PCGF6: variants seen among roughly 807,000 people sequenced by gnomAD.
PCGF6 encodes the protein polycomb group ring finger 6.
A neutral mutation model predicts 45.5 loss-of-function variants in PCGF6; 24 were observed. The ratio of observed to expected loss-of-function variants is 0.53; its 90% CI spans 0.38 to 0.74. PCGF6 has a LOEUF of 0.74. PCGF6 is among the 30% of genes least tolerant of loss of function. PCGF6 has a pLI of 0.00. For synonymous variants in PCGF6, 152 were observed against 162.1 expected, an observed-to-expected ratio of 0.94 and a Z score of 0.47; for missense variants, 356 against 443.2, an observed-to-expected ratio of 0.80 and a Z score of 1.77.
chr10:103,307,050 GCCAAGATCA>G (rs1305635074), intron 9 of PCGF6, among the ~76,000 whole-genome samples: 1 of 152,018 alleles, frequency 6.6e-6, no homozygotes, highest in Non-Finnish European at 1.5e-5. Context: ...GTTGCAGTGA[GCCAAGATCA>G]TGCCACTGCA....
At position 103,338,740 on chromosome 10, in the gene PCGF6, C is replaced by T. The variant is rs186452605; in HGVS notation, c.783-4788G>A. Among the ~76,000 whole-genome samples the T allele has an allele frequency of 3.8e-3, 577 of 151,914 alleles. 2 individuals carry two copies. The highest frequency in any genetic ancestry group is 6.5e-3 in the Non-Finnish European group (445 of 67,968). On this transcript the variant is annotated intron_variant, in intron 6 of 9. Coordinates refer to ENST00000369847, the MANE Select transcript of PCGF6 (RefSeq NM_001011663.2). Reference sequence around the variant, plus strand: ...AAACTTAACCGGGCATGGTGGCACACGCCTGTAATCCCAGCTACTTGGGAG... The same window carrying T: ...AAACTTAACCGGGCATGGTGGCACATGCCTGTAATCCCAGCTACTTGGGAG...
intron 6 of PCGF6, among the ~76,000 whole-genome samples, chr10:103,337,843 T>C (rs1206818701): frequency 1.4e-5 from 1 of 72,820 alleles, no homozygotes; most frequent in South Asian, 7.6e-4. Flanking sequence ...GGCGGGCGGA[T>C]CACGAGGTCA....
intron 8 of PCGF6, among the ~76,000 whole-genome samples, chr10:103,315,955 C>T (rs12220267): frequency 0.27 from 40,715 of 149,676 alleles, 6,567 homozygotes; most frequent in South Asian, 0.5. Context: ...GGGTTAGAGC[C>T]TCAACAGCTT....
At chr10:103,349,748 T>C (rs1490332574) in intron 1 of PCGF6, among the ~76,000 whole-genome samples, 5 of 150,182 alleles carry the variant, frequency 3.3e-5, no homozygotes, top group Non-Finnish European at 5.9e-5. Flanking sequence ...GCGGGGATTA[T>C]AGGCGTGAGC....
chr10:103,349,056 T>C, intron 1 of PCGF6, 57 bp from the exon 2 acceptor site: 4 of 1,430,050 alleles, frequency 2.8e-6, no homozygotes, highest in Non-Finnish European at 2.9e-6. Flanking sequence ...ACAAATTCTT[T>C]TTTTTTTTTT....
chr10:103,332,930 C>G (rs2093245335), intron 7 of PCGF6, among the ~76,000 whole-genome samples: 1 of 152,022 alleles, frequency 6.6e-6, no homozygotes, highest in South Asian at 2.1e-4. Context: ...GCCTGGCCAA[C>G]ATGGTGAAAC....
intron 6 of PCGF6, among the ~76,000 whole-genome samples, chr10:103,336,048 C>G (rs989967944): frequency 1.3e-5 from 2 of 151,648 alleles, no homozygotes; most frequent in Non-Finnish European, 2.9e-5. Flanking sequence ...GGTGGATTGC[C>G]TGAGCTCAGG....
intron 9 of PCGF6, among the ~76,000 whole-genome samples, chr10:103,306,101 C>T (rs1564721405): frequency 1.4e-5 from 2 of 146,838 alleles, no homozygotes; most frequent in Admixed American, 1.4e-4. Flanking sequence ...AAGCAATCCA[C>T]CTTTTTTTTT....
intron 6 of PCGF6, among the ~76,000 whole-genome samples, chr10:103,341,556 C>G (rs1278022757): frequency 1.3e-5 from 2 of 151,738 alleles, no homozygotes; most frequent in African/African-American, 4.8e-5. Flanking sequence ...TCTCCTCCCT[C>G]AGCCTCCTGA....
At chr10:103,349,928 A>G (rs142750192) in intron 1 of PCGF6, among the ~76,000 whole-genome samples, 1 of 151,744 alleles carries the variant, frequency 6.6e-6, no homozygotes, top group African/African-American at 2.4e-5. Context: ...TAAAAATACA[A>G]AAAATAAGCC....
chr10:103,313,816 GCAC>G (rs908888631), intron 9 of PCGF6, among the ~76,000 whole-genome samples: 21 of 152,176 alleles, frequency 1.4e-4, no homozygotes, highest in African/African-American at 4.8e-4. Flanking sequence ...TTGTATTATA[GCAC>G]TGGACAGGCG....
intron 6 of PCGF6, among the ~76,000 whole-genome samples, chr10:103,341,235 CA>C (rs1056464824): frequency 6.8e-6 from 1 of 146,614 alleles, no homozygotes; most frequent in East Asian, 2.1e-4. Flanking sequence ...GTCTCAAAAA[CA>C]AAAAAAAATC....
intron 7 of PCGF6, among the ~76,000 whole-genome samples, chr10:103,333,506 C>T (rs1418951608): frequency 6.6e-6 from 1 of 152,116 alleles, no homozygotes; most frequent in Non-Finnish European, 1.5e-5. Flanking sequence ...TAAATCAACT[C>T]TGAACTTAAA....
chr10:103,322,547 A>G (rs1592061723), intron 8 of PCGF6, among the ~76,000 whole-genome samples: 2 of 151,836 alleles, frequency 1.3e-5, no homozygotes, highest in African/African-American at 2.4e-5. Context: ...CAGGCTGGGC[A>G]CAGTGGCTCA....
chr10:103,346,255 G>A (rs2093299029), intron 5 of PCGF6, among the ~76,000 whole-genome samples: 1 of 151,776 alleles, frequency 6.6e-6, no homozygotes, highest in Non-Finnish European at 1.5e-5. Context: ...ACTTTGGGAG[G>A]CCAAGGTGGG....
rs2093124377 is a variant in PCGF6 at position 103,302,931 on chromosome 10, T to G, written c.*974A>C. The G allele has an allele frequency of 6.6e-6, 1 of 152,482 alleles. No homozygotes were observed. The allele number at this position is 152,482 out of a possible 1,614,324, so 9.4% of individuals were successfully genotyped here. ...TCAGAAATTCTGCTGTTAAACAGGA[T>G]TTATAAAATATTTCTTTCAGAAAGC... is the stretch of plus-strand genomic sequence containing the variant. On this transcript the variant is annotated 3_prime_UTR_variant, in exon 10 of 10. Coordinates refer to ENST00000369847, the MANE Select transcript of PCGF6 (RefSeq NM_001011663.2).
intron 7 of PCGF6, among the ~76,000 whole-genome samples, chr10:103,327,518 T>TA (rs2093223184): frequency 6.6e-6 from 1 of 152,178 alleles, no homozygotes. Context: ...ATCATTAATT[T>TA]AAAAAACTGT....
chr10:103,350,851 G>T lies in PCGF6; in HGVS notation c.216C>A (p.Arg72=), dbSNP rs1479379475. The T allele has an allele frequency of 6.5e-7, 1 of 1,543,144 alleles. No homozygotes were observed. Among genetic ancestry groups the T allele is most frequent in the Non-Finnish European group, 8.7e-7 (1 of 1,144,496 alleles). The change falls in exon 1 of 10, where the codon CGC becomes CGA. Residue 72 remains arginine (R), a synonymous_variant. Transcript: ENST00000369847. ...CCTCGTCCTCGAAGCGGCCTCTGAA[G>T]CGGCCCAGGCTGCGCTCCGGCTCCA... ...PELEPERSLG[R]FRGRFEDEDE...
At chr10:103,323,979 G>A (rs1004844968) in intron 8 of PCGF6, among the ~76,000 whole-genome samples, 6 of 151,726 alleles carry the variant, frequency 4.0e-5, no homozygotes, top group Admixed American at 3.3e-4. Context: ...TCACTCTGTC[G>A]CCCAGGCTGG....
Sources: allele counts gnomAD v4.1 joint callset (sites outside exome capture counted in the v4.1 genomes callset), GRCh38; gene constraint gnomAD v4.1.1; transcripts MANE v1.5; gene names NCBI Gene and HGNC (gene_info 2026-07-23, HGNC 2026-07-21).